The following FAM184A variants were observed in gnomAD, a reference collection of about 807,000 sequenced individuals.
FAM184A encodes the protein family with sequence similarity 184 member A.
In FAM184A, 99 loss-of-function variants were observed where a neutral mutation model predicts 143.8. The observed-to-expected ratio is 0.69, with a 90% CI of 0.58 to 0.81. FAM184A has a LOEUF of 0.81. FAM184A is among the 40% of genes least tolerant of loss of function. The probability of loss-of-function intolerance (pLI) is 0.00; values close to 1 mark genes in which losing one functional copy is unlikely to be tolerated. For synonymous variants in FAM184A, 427 were observed against 446.4 expected (o/e 0.96, Z 0.55); for missense variants, 1,217 against 1,310.5 (o/e 0.93, Z 1.10).
chr6:118,974,637 T>TTA, intron 13 of FAM184A, 63 bp from the exon 14 acceptor site: 1 of 1,370,048 alleles, frequency 7.3e-7, no homozygotes, highest in East Asian at 2.4e-5. Flanking sequence ...AAACTTTCTA[T>TTA]TATTCTACCA....
At chr6:119,120,297 T>A (rs1476956190) in intron 1 of FAM184A, among the ~76,000 whole-genome samples, 1 of 152,224 alleles carries the variant, frequency 6.6e-6, no homozygotes, top group Non-Finnish European at 1.5e-5. Flanking sequence ...TCAGGAAACA[T>A]AATGTTTTCA....
At chr6:119,060,356 G>T (rs1484156774) in intron 1 of FAM184A, among the ~76,000 whole-genome samples, 9 of 152,184 alleles carry the variant, frequency 5.9e-5, no homozygotes, top group Non-Finnish European at 1.3e-4. Context: ...GTTCTAGAAA[G>T]TGTAGTGGAA....
chr6:119,058,585 C>T (rs557902177), intron 1 of FAM184A, among the ~76,000 whole-genome samples: 2 of 152,256 alleles, frequency 1.3e-5, no homozygotes, highest in East Asian at 1.9e-4. Flanking sequence ...TAGTGAATGA[C>T]TTCTGAGTCT....
chr6:119,022,812 G>A, intron 3 of FAM184A, 133 bp downstream of exon 3: 1 of 989,110 alleles, frequency 1.0e-6, no homozygotes, highest in Non-Finnish European at 1.5e-6. Flanking sequence ...AGGAGGCAGA[G>A]GTTGCAATGA....
intron 9 of FAM184A, among the ~76,000 whole-genome samples, chr6:118,987,978 AT>A (rs1196405365): frequency 1.3e-5 from 2 of 152,182 alleles, no homozygotes; most frequent in African/African-American, 4.8e-5. Context: ...GCCAAACAGT[AT>A]TTTTTATATA....
intron 1 of FAM184A, among the ~76,000 whole-genome samples, chr6:119,054,693 A>T (rs1375599105): frequency 1.3e-5 from 2 of 152,138 alleles, no homozygotes; most frequent in Non-Finnish European, 2.9e-5. Context: ...ATATGTATGC[A>T]TTTATCTTAA....
At chr6:119,123,644 G>T (rs1286956997) in intron 1 of FAM184A, among the ~76,000 whole-genome samples, 1 of 152,196 alleles carries the variant, frequency 6.6e-6, no homozygotes, top group East Asian at 1.9e-4. Context: ...CGAGAACTCT[G>T]TTTTCAACGT....
chr6:119,096,586 A>G (rs1788514087), intron 1 of FAM184A, among the ~76,000 whole-genome samples: 1 of 95,706 alleles, frequency 1.0e-5, no homozygotes, highest in Non-Finnish European at 2.0e-5. Context: ...CAGTGAGCCG[A>G]GATTGCGCCA....
intron 1 of FAM184A, among the ~76,000 whole-genome samples, chr6:119,139,248 C>A (rs1332073820): frequency 2.0e-5 from 3 of 152,202 alleles, no homozygotes; most frequent in Non-Finnish European, 4.4e-5. Flanking sequence ...CAGCCTCTTT[C>A]TCTGGTGCCT....
At chr6:119,028,139 C>G (rs1384192125) in intron 1 of FAM184A, among the ~76,000 whole-genome samples, 1 of 152,224 alleles carries the variant, frequency 6.6e-6, no homozygotes, top group African/African-American at 2.4e-5. Flanking sequence ...TGCCTGCAAG[C>G]CATCAGGGAG....
At chr6:118,970,008 A>ATTTTTTTT (rs11272298) in intron 14 of FAM184A, among the ~76,000 whole-genome samples, 11 of 18,988 alleles carry the variant, frequency 5.8e-4, no homozygotes, top group African/African-American at 7.7e-4. Context: ...ATATATATAT[A>ATTTTTTTT]TTTTTTTTTT....
intron 1 of FAM184A, among the ~76,000 whole-genome samples, chr6:119,064,381 C>A (rs1468094170): frequency 6.6e-6 from 1 of 152,214 alleles, no homozygotes; most frequent in Non-Finnish European, 1.5e-5. Context: ...CAAAGGACTG[C>A]ATAGGACTTT....
At chr6:119,147,778 A>G (rs1772501005) in intron 1 of FAM184A, among the ~76,000 whole-genome samples, 1 of 152,178 alleles carries the variant, frequency 6.6e-6, no homozygotes, top group Non-Finnish European at 1.5e-5. Flanking sequence ...AAATTTAGGA[A>G]CAACCAGAGA....
intron 1 of FAM184A, among the ~76,000 whole-genome samples, chr6:119,117,158 G>A (rs1789082787): frequency 6.6e-6 from 1 of 152,170 alleles, no homozygotes. Context: ...GATTGGGAGT[G>A]GGCATAGATT....
intron 6 of FAM184A, 93 bp downstream of exon 6, chr6:119,011,216 T>C: frequency 9.3e-7 from 1 of 1,078,540 alleles, no homozygotes; most frequent in Non-Finnish European, 1.3e-6. Context: ...ATATGTTACC[T>C]TTACTGAGAC....
At chr6:118,996,313 T>C (rs938059212) in intron 9 of FAM184A, among the ~76,000 whole-genome samples, 1 of 152,200 alleles carries the variant, frequency 6.6e-6, no homozygotes, top group East Asian at 1.9e-4. Context: ...TTAAAAACTT[T>C]CATATTTAAA....
intron 1 of FAM184A, among the ~76,000 whole-genome samples, chr6:119,062,033 T>C (rs1405755199): frequency 2.0e-5 from 3 of 152,078 alleles, no homozygotes; most frequent in African/African-American, 7.2e-5. Flanking sequence ...ACTGAACTGC[T>C]TGAGGCTTCC....
intron 9 of FAM184A, among the ~76,000 whole-genome samples, chr6:118,997,052 G>A (rs1275440213): frequency 6.6e-6 from 1 of 150,768 alleles, no homozygotes; most frequent in African/African-American, 2.4e-5. Flanking sequence ...TAGGTATCTT[G>A]CTATTCCCTC....
At chr6:119,148,020 C>T (rs1442498732) in intron 1 of FAM184A, among the ~76,000 whole-genome samples, 1 of 152,232 alleles carries the variant, frequency 6.6e-6, no homozygotes. Context: ...ATAGCCTTTG[C>T]TTTTTCTCAT....
Sources: gnomAD v4.1 joint callset for allele counts (sites outside exome capture counted in the v4.1 genomes callset) on GRCh38, gnomAD v4.1.1 for gene constraint, MANE v1.5 for transcripts, NCBI Gene and HGNC (gene_info 2026-07-23, HGNC 2026-07-21) for gene names.